Variants in MTCH2 observed in about 807,000 individuals in gnomAD.
MTCH2 encodes mitochondrial carrier 2, also known as mitochondrial carrier homolog 2.
A neutral mutation model predicts 50.6 loss-of-function variants in MTCH2; 25 were observed. That is an observed-to-expected ratio of 0.49 (90% CI 0.36 to 0.69). The LOEUF is 0.69. Among genes scored for constraint, MTCH2 ranks in the 30% least tolerant of loss-of-function variants. The pLI, the probability that MTCH2 is intolerant of heterozygous loss-of-function variation, is 0.00. For missense variants in MTCH2, 273 were observed against 384.4 expected (o/e 0.71, Z 2.42); for synonymous variants, 106 against 132.0 (o/e 0.80, Z 1.35).
At chr11:47,604,776 TAAAA>T in the MTCH2 span, among the ~76,000 whole-genome samples, 1 of 151,984 alleles carries the variant, frequency 6.6e-6, no homozygotes, top group Non-Finnish European at 1.5e-5. Context: ...TTAAGTGAAA[TAAAA>T]AACAAGGTGC....
intron 9 of MTCH2, among the ~76,000 whole-genome samples, chr11:47,627,556 G>A (rs1156801384): frequency 6.6e-6 from 1 of 152,062 alleles, no homozygotes; most frequent in Non-Finnish European, 1.5e-5. Context: ...TCATAGGCTG[G>A]AGCTACTGTG....
intron 3 of MTCH2, among the ~76,000 whole-genome samples, 154 bp downstream of exon 3, chr11:47,638,545 C>CA (rs59317101): frequency 0.92 from 49,103 of 53,162 alleles, 22,827 homozygotes; most frequent in South Asian, 0.97. Flanking sequence ...GACTCCATCT[C>CA]AAAAAAAAAA....
At chr11:47,623,981 G>A (rs2097295669) in intron 11 of MTCH2, among the ~76,000 whole-genome samples, 1 of 152,168 alleles carries the variant, frequency 6.6e-6, no homozygotes, top group African/African-American at 2.4e-5. Context: ...GAACCCAGGA[G>A]GTGGAGGATG....
intron 3 of MTCH2, among the ~76,000 whole-genome samples, 179 bp downstream of exon 3, chr11:47,638,520 T>A (rs1279702031): frequency 9.7e-6 from 1 of 102,630 alleles, no homozygotes; most frequent in Non-Finnish European, 1.8e-5. Flanking sequence ...CACTCCAGCC[T>A]GGGCGACAGA....
At chr11:47,606,955 G>T in the MTCH2 span, among the ~76,000 whole-genome samples, 1 of 152,214 alleles carries the variant, frequency 6.6e-6, no homozygotes, top group Non-Finnish European at 1.5e-5. Context: ...AGCACGTCAG[G>T]CAGTCAGATG....
In MTCH2 at chr11:47,634,730, A is replaced by G. The variant is rs752089539; in HGVS notation, c.311T>C (p.Leu104Ser). The G allele has an allele frequency of 1.3e-6, 2 of 1,588,716 alleles. No individual in the cohort carries two copies. Among genetic ancestry groups the G allele is most frequent in the South Asian group, 2.3e-5 (2 of 86,720 alleles). ...TTCTTTCTGTACATTTCCAGGTCCT[A>G]ACTCCTGGAAATCAAAATCAAAGAA... ...HYQESDKGEE[L>S]GPGNVQKEVS... The change falls in exon 5 of 13, where the codon TTA (leucine) becomes TCA (serine). Residue 104 changes from leucine (L) to serine (S), a missense_variant. Coordinates refer to ENST00000302503, the MANE Select transcript of MTCH2 (RefSeq NM_014342.4).
chr11:47,634,512 C>G (rs1419045860), intron 5 of MTCH2, among the ~76,000 whole-genome samples, 160 bp downstream of exon 5: 1 of 152,138 alleles, frequency 6.6e-6, no homozygotes, highest in Non-Finnish European at 1.5e-5. Context: ...GATCCTCTCT[C>G]TTTTTAATGT....
At chr11:47,633,406 G>C (rs1304412706) in intron 5 of MTCH2, among the ~76,000 whole-genome samples, 1 of 147,912 alleles carries the variant, frequency 6.8e-6, no homozygotes, top group Non-Finnish European at 1.5e-5. Flanking sequence ...CACCACGCCC[G>C]GCCGTATCCC....
At chr11:47,638,573 G>GTT (rs2097311015) in intron 3 of MTCH2, 126 bp downstream of exon 3, 1 of 362,798 alleles carries the variant, frequency 2.8e-6, no homozygotes, top group African/African-American at 2.7e-5. Flanking sequence ...AAAAGAAAGT[G>GTT]TTTTTCAAGA....
Position 47,625,739 on chromosome 11 carries a change from A to T in MTCH2, c.684T>A (p.Phe228Leu). The T allele has an allele frequency of 1.2e-6, 2 of 1,611,300 alleles. No homozygotes were observed. Among genetic ancestry groups the T allele is most frequent in the Non-Finnish European group, 1.7e-6 (2 of 1,178,098 alleles). Residue 228 changes from phenylalanine to leucine, a missense_variant and splice_region_variant, in exon 11 of 13, where the codon TTT becomes TTA. Around this residue, in one of 2 missense-constraint regions of MTCH2, gnomAD observed 70 missense variants for 140.1 expected, o/e 0.50. Coordinates refer to ENST00000302503, the MANE Select transcript of MTCH2 (RefSeq NM_014342.4). ...MKSYSQAVTGFFASMLTYPFV... is the reference protein window; with the variant it reads ...MKSYSQAVTGLFASMLTYPFV... ...AGGGATAGGTCAACATACTCGCAAA[A>T]AACTGTAAAATGGAAACAAGGCAGC...
chr11:47,609,812 G>A, the MTCH2 span, among the ~76,000 whole-genome samples: 23 of 152,142 alleles, frequency 1.5e-4, no homozygotes, highest in African/African-American at 5.6e-4. Context: ...GCCTTGAGCT[G>A]GCAGCAGGAA....
chr11:47,609,144 A>G, the MTCH2 span, among the ~76,000 whole-genome samples: 1 of 148,104 alleles, frequency 6.8e-6, no homozygotes, highest in Non-Finnish European at 1.5e-5. Flanking sequence ...AAAAAAAAAA[A>G]AAGAAAAAAG....
the MTCH2 span, among the ~76,000 whole-genome samples, chr11:47,610,709 A>G: frequency 6.6e-6 from 1 of 152,206 alleles, no homozygotes; most frequent in African/African-American, 2.4e-5. Flanking sequence ...CGTCTCAAAA[A>G]GAAAAGAAAA....
chr11:47,631,215 C>A (rs1328517594), intron 6 of MTCH2, 128 bp from the exon 7 acceptor site: 8 of 665,672 alleles, frequency 1.2e-5, no homozygotes, highest in Middle Eastern at 4.0e-4. Flanking sequence ...TCAAGACTAG[C>A]CTGACCAATA....
At position 47,628,298 on chromosome 11, in the gene MTCH2, G is replaced by A. The variant is rs182927521; in HGVS notation, c.633+655C>T. The stretch of plus-strand genomic sequence containing the variant: ...AGTCCAGATTAGATGAAAAGCCCCC[G>A]ATACACCATAAAGATGTCCTGCTTT... On this transcript the variant is annotated intron_variant, in intron 9 of 12. Coordinates refer to ENST00000302503, the MANE Select transcript of MTCH2 (RefSeq NM_014342.4). 9.9e-5 allele frequency among the ~76,000 whole-genome samples: 15 copies of A among 152,148 alleles called. 1 individual carries two copies. In the East Asian group the frequency reaches 2.9e-3, roughly 29 times the overall value.
rs189688842 is a variant in MTCH2 at position 47,640,064 on chromosome 11, C to T, written c.88-1013G>A. ...TAACTCCTGGGCTGGCGTGGTGGCT[C>T]ATGCATGTAATCCCAGCACTTTGGG... On this transcript the variant is annotated intron_variant, in intron 1 of 12. Transcript: ENST00000302503. 5.9e-3 allele frequency among the ~76,000 whole-genome samples: 896 copies of T among 151,978 alleles called. 7 individuals carry two copies. The highest frequency in any genetic ancestry group is 7.2e-3 in the Non-Finnish European group (488 of 67,946).
chr11:47,633,520 ATATATAT>A (rs1218593667), intron 5 of MTCH2, among the ~76,000 whole-genome samples: 1 of 19,780 alleles, frequency 5.1e-5, no homozygotes, highest in African/African-American at 1.4e-4. Flanking sequence ...ATATATATAT[ATATATAT>A]TTTTTTTTTT....
chr11:47,625,970 C>A (rs143631234), intron 10 of MTCH2, among the ~76,000 whole-genome samples: 7 of 151,892 alleles, frequency 4.6e-5, no homozygotes, highest in Non-Finnish European at 8.8e-5. Context: ...ATTCTCTGAT[C>A]CTGAGTAGCT....
At chr11:47,611,375 CAGTCTGATGCCAGA>C in the MTCH2 span, among the ~76,000 whole-genome samples, 5 of 152,250 alleles carry the variant, frequency 3.3e-5, no homozygotes, top group Admixed American at 6.5e-5. Flanking sequence ...ACACTCTCAC[CAGTCTGATGCCAGA>C]AGGGCAGGGC....
Sources: gnomAD v4.1 joint callset for allele counts (sites outside exome capture counted in the v4.1 genomes callset) on GRCh38, gnomAD v4.1.1 for gene constraint, gnomAD v4.1.1 regional missense constraint, MANE v1.5 for transcripts, NCBI Gene and HGNC (gene_info 2026-07-23, HGNC 2026-07-21) for gene names.